The following FER variants were observed in gnomAD, a reference collection of about 807,000 sequenced individuals.
FER encodes the protein tyrosine-protein kinase Fer.
Under a neutral mutation model 111.0 loss-of-function variants are expected in FER, and 63 were observed. That is an observed-to-expected ratio of 0.57 (90% confidence interval 0.46 to 0.70). The LOEUF is 0.70. FER is among the 30% of genes least tolerant of loss of function. The probability of loss-of-function intolerance (pLI) is 0.00; values close to 1 mark genes in which losing one functional copy is unlikely to be tolerated. For synonymous variants in FER, 327 were observed against 313.9 expected (o/e 1.04, Z -0.44); for missense variants, 914 against 954.0 (o/e 0.96, Z 0.55).
intron 3 of FER, 48 bp downstream of exon 3, chr5:108,798,437 C>T: frequency 7.0e-7 from 1 of 1,423,468 alleles, no homozygotes; most frequent in Non-Finnish European, 9.8e-7. Flanking sequence ...TTATAATTGT[C>T]CTTAAAATGC....
At chr5:108,948,477 C>T (rs2149633627) in intron 11 of FER, among the ~76,000 whole-genome samples, 1 of 152,190 alleles carries the variant, frequency 6.6e-6, no homozygotes, top group African/African-American at 2.4e-5. Flanking sequence ...TCTCAGATTA[C>T]TGAGGCTACA....
At chr5:108,820,787 A>T (rs1278777658) in intron 3 of FER, among the ~76,000 whole-genome samples, 1 of 152,152 alleles carries the variant, frequency 6.6e-6, no homozygotes, top group East Asian at 1.9e-4. Flanking sequence ...CATTTTGGTT[A>T]TTATATTAGT....
At chr5:108,840,661 C>G (rs1761166282) in intron 5 of FER, among the ~76,000 whole-genome samples, 1 of 151,938 alleles carries the variant, frequency 6.6e-6, no homozygotes, top group South Asian at 2.1e-4. Flanking sequence ...AAGGATAGTT[C>G]TAGAGGCTTG....
At chr5:108,832,462 G>T (rs960811774) in intron 3 of FER, among the ~76,000 whole-genome samples, 1 of 152,160 alleles carries the variant, frequency 6.6e-6, no homozygotes, top group African/African-American at 2.4e-5. Context: ...CAGTATTTCA[G>T]TGTGCTGGAA....
At chr5:108,922,119 G>T (rs1753101884) in intron 10 of FER, among the ~76,000 whole-genome samples, 1 of 152,154 alleles carries the variant, frequency 6.6e-6, no homozygotes, top group African/African-American at 2.4e-5. Context: ...AATGCCTGGG[G>T]CTACCAGAAG....
intron 2 of FER, among the ~76,000 whole-genome samples, chr5:108,774,217 G>C (rs189627214): frequency 6.6e-6 from 1 of 152,018 alleles, no homozygotes; most frequent in Non-Finnish European, 1.5e-5. Context: ...CCATGTCCCT[G>C]TAAAAGATAT....
At chr5:108,792,312 G>C (rs568396640) in intron 2 of FER, among the ~76,000 whole-genome samples, 2 of 152,278 alleles carry the variant, frequency 1.3e-5, no homozygotes, top group East Asian at 1.9e-4. Context: ...CTGTGAACAT[G>C]AATATTTCAA....
chr5:108,799,763 C>G (rs1355963733), intron 3 of FER, among the ~76,000 whole-genome samples: 1 of 151,334 alleles, frequency 6.6e-6, no homozygotes, highest in Non-Finnish European at 1.5e-5. Flanking sequence ...TTTATTTAAT[C>G]TTCTTGTTTT....
At chr5:109,179,633 G>A (rs1758067563) in intron 17 of FER, among the ~76,000 whole-genome samples, 1 of 151,886 alleles carries the variant, frequency 6.6e-6, no homozygotes, top group Admixed American at 6.6e-5. Flanking sequence ...TTTTAAAATG[G>A]ATAGTTGTGT....
At chr5:108,903,491 C>T (rs1750329945) in intron 10 of FER, among the ~76,000 whole-genome samples, 1 of 152,088 alleles carries the variant, frequency 6.6e-6, no homozygotes, top group African/African-American at 2.4e-5. Context: ...ATGGCAAAAC[C>T]CTGTCTCTAC....
At chr5:108,761,419 T>TGGTC (rs1751735137) in intron 1 of FER, among the ~76,000 whole-genome samples, 1 of 152,168 alleles carries the variant, frequency 6.6e-6, no homozygotes, top group Non-Finnish European at 1.5e-5. Context: ...AGAGAATGGC[T>TGGTC]GGTCAGTAGA....
At chr5:108,999,184 C>A (rs555698410) in intron 13 of FER, among the ~76,000 whole-genome samples, 4 of 152,038 alleles carry the variant, frequency 2.6e-5, no homozygotes, top group East Asian at 1.9e-4. Flanking sequence ...TTTCTCCTTC[C>A]TTGAATTTTA....
At chr5:108,973,448 A>G (rs1019231990) in intron 13 of FER, among the ~76,000 whole-genome samples, 1 of 152,098 alleles carries the variant, frequency 6.6e-6, no homozygotes, top group African/African-American at 2.4e-5. Flanking sequence ...GAGAAACCTC[A>G]TTGTATGTAT....
intron 10 of FER, among the ~76,000 whole-genome samples, chr5:108,921,066 A>G (rs140845703): frequency 6.6e-6 from 1 of 152,170 alleles, no homozygotes; most frequent in East Asian, 1.9e-4. Flanking sequence ...TTCTTTTGAT[A>G]ATTTCAGGTC....
chr5:109,087,698 T>C (rs1487675082), intron 16 of FER, among the ~76,000 whole-genome samples: 1 of 151,610 alleles, frequency 6.6e-6, no homozygotes, highest in East Asian at 1.9e-4. Context: ...GTTTTTGTTT[T>C]GGTAGTGGGA....
At chr5:109,147,637 G>C (rs1754365034) in intron 17 of FER, among the ~76,000 whole-genome samples, 1 of 151,830 alleles carries the variant, frequency 6.6e-6, no homozygotes, top group African/African-American at 2.4e-5. Flanking sequence ...AAATTTGTTG[G>C]CAGAAAATAT....
intron 1 of FER, among the ~76,000 whole-genome samples, chr5:108,755,864 A>G (rs116725382): frequency 3.3e-3 from 495 of 150,696 alleles, no homozygotes; most frequent in African/African-American, 0.011. Flanking sequence ...GAAAATATAC[A>G]GTATCAGCCG....
intron 13 of FER, among the ~76,000 whole-genome samples, chr5:108,981,713 C>A (rs1372987132): frequency 1.3e-5 from 2 of 151,790 alleles, no homozygotes; most frequent in African/African-American, 4.8e-5. Flanking sequence ...TATTATTTTC[C>A]TAGTTTTATG....
At chr5:109,097,981 T>G (rs1484265094) in intron 16 of FER, among the ~76,000 whole-genome samples, 3 of 151,860 alleles carry the variant, frequency 2.0e-5, no homozygotes, top group African/African-American at 7.2e-5. Context: ...AACTATAAAT[T>G]GGAAATAAAT....
Sources: gnomAD v4.1 joint callset for allele counts (sites outside exome capture counted in the v4.1 genomes callset) on GRCh38, gnomAD v4.1.1 for gene constraint, MANE v1.5 for transcripts, NCBI Gene and HGNC (gene_info 2026-07-23, HGNC 2026-07-21) for gene names.